The following PHLDB2 variants were observed in gnomAD, a reference collection of about 807,000 sequenced individuals.
PHLDB2 encodes the protein pleckstrin homology like domain family B member 2.
In PHLDB2, 71 loss-of-function variants were observed where a neutral mutation model predicts 123.6. The ratio of observed to expected loss-of-function variants is 0.57; its 90% CI spans 0.47 to 0.70. PHLDB2 has a LOEUF of 0.70. PHLDB2 is among the 30% of genes least tolerant of loss of function. The pLI is 0.00. For synonymous variants in PHLDB2, 547 were observed against 541.6 expected (o/e 1.01, Z -0.14); for missense variants, 1,446 against 1,519.5 (o/e 0.95, Z 0.80).
chr3:111,732,765 G>A, intron 1 of PHLDB2: 1 of 1,368,722 alleles, frequency 7.3e-7, no homozygotes, highest in South Asian at 1.3e-5. Context: ...AGCATATACA[G>A]CCTCGTCACC....
intron 6 of PHLDB2, among the ~76,000 whole-genome samples, chr3:111,937,743 C>T (rs1312805866): frequency 6.7e-6 from 1 of 148,858 alleles, no homozygotes; most frequent in South Asian, 2.1e-4. Flanking sequence ...CCATGGCACT[C>T]CAGCCTGAGT....
At position 111,952,725 on chromosome 3, in the gene PHLDB2, A is replaced by G. The variant is rs1274031489; in HGVS notation, c.2772+13A>G. On this transcript the variant is annotated intron_variant, in intron 11 of 17. Coordinates refer to ENST00000431670, the MANE Select transcript of PHLDB2 (RefSeq NM_001134438.2). ...CATCACCCCAAAGGTAGGACCTGGG[A>G]GAAACCACGGGCTTCCCATTCCATG... 6.2e-7 allele frequency: 1 copy of G among 1,606,458 alleles called. No homozygotes were observed. Among genetic ancestry groups the G allele is most frequent in the Non-Finnish European group, 8.5e-7 (1 of 1,178,002 alleles).
intron 13 of PHLDB2, among the ~76,000 whole-genome samples, chr3:111,962,522 T>C (rs1424765299): frequency 6.6e-6 from 1 of 152,222 alleles, no homozygotes; most frequent in African/African-American, 2.4e-5. Flanking sequence ...CATCATATAA[T>C]CTGTTTCCAC....
chr3:111,918,057 C>T (rs1287616989), intron 3 of PHLDB2, among the ~76,000 whole-genome samples: 6 of 152,134 alleles, frequency 3.9e-5, no homozygotes, highest in Non-Finnish European at 4.4e-5. Context: ...TACATTCATA[C>T]TGACATATAG....
At chr3:111,864,707 GT>G (rs2064985552) in intron 1 of PHLDB2, among the ~76,000 whole-genome samples, 1 of 152,178 alleles carries the variant, frequency 6.6e-6, no homozygotes, top group East Asian at 1.9e-4. Flanking sequence ...TAGTCAAAAA[GT>G]TTTTGAGAGG....
intron 1 of PHLDB2, among the ~76,000 whole-genome samples, chr3:111,837,032 C>G (rs34431304): frequency 0.055 from 8,382 of 152,254 alleles, 318 homozygotes; most frequent in Non-Finnish European, 0.079. Flanking sequence ...TGCTTCACCA[C>G]TTACTGTGAG....
At chr3:111,821,164 C>A (rs1576735755) in intron 1 of PHLDB2, among the ~76,000 whole-genome samples, 1 of 152,134 alleles carries the variant, frequency 6.6e-6, no homozygotes, top group Non-Finnish European at 1.5e-5. Context: ...GCAACTGTCC[C>A]AAGATGAAAC....
chr3:111,847,094 G>A lies in PHLDB2; in HGVS notation c.67+1159G>A, dbSNP rs556332142. On this transcript the variant is annotated intron_variant, in intron 2 of 17. Coordinates refer to the PHLDB2 transcript ENST00000393923. Reference sequence around the variant, plus strand: ...GAGGAAGGAAATGACAAGCTATTAGGTGGGAAAATAACCTGGAGAAACCAA... The same window carrying A: ...GAGGAAGGAAATGACAAGCTATTAGATGGGAAAATAACCTGGAGAAACCAA... Among the ~76,000 whole-genome samples, 14 of 152,282 alleles carry A rather than the reference G, an allele frequency of 9.2e-5. No homozygotes were observed. In the South Asian group the frequency reaches 2.9e-3, roughly 32 times the overall value.
chr3:111,940,056 C>T (rs1420094717), intron 7 of PHLDB2, among the ~76,000 whole-genome samples: 1 of 152,192 alleles, frequency 6.6e-6, no homozygotes, highest in Non-Finnish European at 1.5e-5. Context: ...ACTGACTCCA[C>T]CCAACCCCTA....
Position 111,907,358 on chromosome 3 carries a change from C to G in PHLDB2, c.1336-5961C>G, listed in dbSNP as rs535215779. Among the ~76,000 whole-genome samples the G allele has an allele frequency of 2.6e-5, 4 of 152,288 alleles. No individual in the cohort carries two copies. The East Asian group carries it at 7.7e-4, about 29-fold the overall frequency. On this transcript the variant is annotated intron_variant, in intron 2 of 17. Coordinates refer to ENST00000431670, the MANE Select transcript of PHLDB2 (RefSeq NM_001134438.2). ...ACACGGGGCAGAGTCCAAAGAGTTC[C>G]AAAGGCAACACTTCCATGTCCTTTT...
At chr3:111,883,739 G>A (rs998059298) in intron 1 of PHLDB2, among the ~76,000 whole-genome samples, 3 of 152,192 alleles carry the variant, frequency 2.0e-5, no homozygotes, top group African/African-American at 4.8e-5. Flanking sequence ...GGTGTTCCTC[G>A]AAGGGCCAGA....
intron 2 of PHLDB2, among the ~76,000 whole-genome samples, chr3:111,901,019 G>C (rs1482728784): frequency 6.6e-6 from 1 of 151,986 alleles, no homozygotes; most frequent in Admixed American, 6.6e-5. Flanking sequence ...ACTGTGCCCA[G>C]CCCTCTTTTG....
At chr3:111,930,096 TA>T (rs1233928061) in intron 5 of PHLDB2, among the ~76,000 whole-genome samples, 51 of 151,040 alleles carry the variant, frequency 3.4e-4, no homozygotes, top group Non-Finnish European at 7.4e-5. Context: ...TTTTTTTTAG[TA>T]GAGACGGGGT....
intron 1 of PHLDB2, among the ~76,000 whole-genome samples, chr3:111,771,752 C>T (rs765957274): frequency 7.2e-5 from 11 of 152,152 alleles, no homozygotes; most frequent in Non-Finnish European, 1.3e-4. Flanking sequence ...ACCCTCATGA[C>T]TTTAACTTGA....
chr3:111,834,324 T>TAA (rs1360881341), intron 1 of PHLDB2, among the ~76,000 whole-genome samples: 1 of 140,038 alleles, frequency 7.1e-6, no homozygotes, highest in East Asian at 2.1e-4. Flanking sequence ...ATTATATATA[T>TAA]AATGGCATTA....
At chr3:111,955,604 A>G (rs1256790078) in intron 12 of PHLDB2, among the ~76,000 whole-genome samples, 1 of 151,954 alleles carries the variant, frequency 6.6e-6, no homozygotes, top group African/African-American at 2.4e-5. Context: ...GGTGTGTGCT[A>G]CCACACCTGG....
chr3:111,866,930 G>GGTGTGTGTGTGTGTGTGTGT lies in PHLDB2; in HGVS notation c.-15+7377_-15+7396dup, dbSNP rs3082321. Among the ~76,000 whole-genome samples the GGTGTGTGTGTGTGTGTGTGT allele has an allele frequency of 6.0e-4, 76 of 126,058 alleles. 1 individual carries two copies. The highest frequency in any genetic ancestry group is 1.2e-3 in the East Asian group (5 of 4,340). The allele number at this position is 126,058 out of a possible 152,430, so 82.7% of individuals were successfully genotyped here. On this transcript the variant is annotated intron_variant, in intron 1 of 17. Transcript: ENST00000431670. The stretch of plus-strand genomic sequence containing the variant: ...TCTTCCTTAACATAAGTTTCTAAGG[G>GGTGTGTGTGTGTGTGTGTGT]GTGTGTGTGTGTGTGTGTGTGTGTG...
At chr3:111,893,748 TTAAGG>T (rs2066633228) in intron 2 of PHLDB2, among the ~76,000 whole-genome samples, 1 of 116,358 alleles carries the variant, frequency 8.6e-6, no homozygotes, top group African/African-American at 2.9e-5. Context: ...TTTTTTTATG[TTAAGG>T]TAAGCAAAAA....
chr3:111,869,770 G>A (rs2065254673), intron 1 of PHLDB2, among the ~76,000 whole-genome samples: 3 of 152,116 alleles, frequency 2.0e-5, no homozygotes, highest in Admixed American at 2.0e-4. Flanking sequence ...TGTTGTAATA[G>A]GTTCAGTCTG....
Sources: gnomAD v4.1 joint callset for allele counts (sites outside exome capture counted in the v4.1 genomes callset) on GRCh38, gnomAD v4.1.1 for gene constraint, MANE v1.5 for transcripts, NCBI Gene and HGNC (gene_info 2026-07-23, HGNC 2026-07-21) for gene names.